IL1RAPL2: variants seen among roughly 807,000 people sequenced by gnomAD.
IL1RAPL2 encodes X-linked interleukin-1 receptor accessory protein-like 2.
Under a neutral mutation model 44.1 loss-of-function variants are expected in IL1RAPL2, and 3 were observed. The observed-to-expected ratio is 0.07, with a 90% CI of 0.03 to 0.18. IL1RAPL2 has a LOEUF of 0.18. Ranked by LOEUF, IL1RAPL2 falls within the 10% of genes least tolerant of loss-of-function variation. IL1RAPL2 has a pLI of 1.00. For missense variants in IL1RAPL2, 391 were observed against 496.4 expected (o/e 0.79, Z 2.02); for synonymous variants, 181 against 178.8 (o/e 1.01, Z -0.10).
At chrX:105,221,757 C>T (rs1419809672) in intron 3 of IL1RAPL2, among the ~76,000 whole-genome samples, 1 of 111,803 alleles carries the variant, frequency 8.9e-6, no homozygotes, top group Non-Finnish European at 1.9e-5. Context: ...AAACTAATGG[C>T]CTCTTGCTTA....
intron 6 of IL1RAPL2, among the ~76,000 whole-genome samples, chrX:105,577,637 A>T (rs1375653732): frequency 9.0e-6 from 1 of 110,625 alleles, no homozygotes; most frequent in Non-Finnish European, 1.9e-5. Context: ...ATACTGATCC[A>T]TGAGAAAGCA....
intron 6 of IL1RAPL2, among the ~76,000 whole-genome samples, chrX:105,704,034 C>G (rs1282928026): frequency 1.8e-5 from 2 of 111,778 alleles, no homozygotes; most frequent in Admixed American, 9.5e-5. Context: ...GTGCAAAACA[C>G]TCTGCTAGGC....
intron 4 of IL1RAPL2, among the ~76,000 whole-genome samples, chrX:105,260,749 A>G (rs2034352303): frequency 8.9e-6 from 1 of 112,581 alleles, no homozygotes; most frequent in Non-Finnish European, 1.9e-5. Flanking sequence ...ACCACTGGTC[A>G]GCTTAGACTC....
chrX:104,599,421 A>AT (rs1475037588), intron 1 of IL1RAPL2, among the ~76,000 whole-genome samples: 1 of 107,882 alleles, frequency 9.3e-6, no homozygotes, highest in Non-Finnish European at 1.9e-5. Flanking sequence ...TAATTTTTAA[A>AT]TTTTTTTGTA....
intron 4 of IL1RAPL2, among the ~76,000 whole-genome samples, chrX:105,252,044 A>G: frequency 9.0e-6 from 1 of 111,370 alleles, no homozygotes; most frequent in Non-Finnish European, 1.9e-5. Context: ...AAGATATGGA[A>G]CAGTTCTGTC....
At chrX:104,968,751 T>C (rs1003496519) in intron 2 of IL1RAPL2, among the ~76,000 whole-genome samples, 4 of 110,963 alleles carry the variant, frequency 3.6e-5, no homozygotes, top group African/African-American at 1.3e-4. Flanking sequence ...CCGCGTATAA[T>C]TGCAAGAAAA....
intron 6 of IL1RAPL2, among the ~76,000 whole-genome samples, chrX:105,595,405 G>A (rs951000135): frequency 9.0e-6 from 1 of 111,393 alleles, no homozygotes; most frequent in Non-Finnish European, 1.9e-5. Context: ...TCATATTATT[G>A]AGGCTGCCCA....
chrX:104,862,111 G>T (rs1180593929), intron 2 of IL1RAPL2, among the ~76,000 whole-genome samples: 1 of 111,125 alleles, frequency 9.0e-6, no homozygotes, highest in Non-Finnish European at 1.9e-5. Context: ...AGGCTGAAAA[G>T]GAGTCTAAGA....
chrX:105,747,447 G>GTT (rs1248088063), intron 8 of IL1RAPL2, among the ~76,000 whole-genome samples: 1 of 83,524 alleles, frequency 1.2e-5, no homozygotes, highest in Non-Finnish European at 2.2e-5. Flanking sequence ...CTGATTGGCT[G>GTT]TTCTCTCTCT....
intron 2 of IL1RAPL2, among the ~76,000 whole-genome samples, chrX:104,675,675 A>G (rs764403939): frequency 0.035 from 3,841 of 110,445 alleles, 73 homozygotes; most frequent in Middle Eastern, 0.065. Flanking sequence ...TGTCTCTTTG[A>G]TCTGTCTAAT....
intron 5 of IL1RAPL2, among the ~76,000 whole-genome samples, chrX:105,421,235 A>G (rs1235124378): frequency 9.0e-6 from 1 of 111,538 alleles, no homozygotes; most frequent in East Asian, 2.8e-4. Flanking sequence ...GGTCAAAGGT[A>G]GATAAGGGAC....
chrX:104,874,484 C>T (rs1425356589), intron 2 of IL1RAPL2, among the ~76,000 whole-genome samples: 3 of 110,304 alleles, frequency 2.7e-5, no homozygotes, highest in Non-Finnish European at 5.7e-5. Flanking sequence ...AGGTCTACTT[C>T]TTGGACTGAT....
chrX:104,841,155 C>G (rs1315193366), intron 2 of IL1RAPL2, among the ~76,000 whole-genome samples: 2 of 111,794 alleles, frequency 1.8e-5, no homozygotes, highest in Non-Finnish European at 3.8e-5. Flanking sequence ...CCTTCTTTGT[C>G]TTTTTTGATC....
At chrX:105,239,556 C>CGGTTATCCATGTATAAGGCT (rs1474387872) in intron 4 of IL1RAPL2, among the ~76,000 whole-genome samples, 1 of 111,008 alleles carries the variant, frequency 9.0e-6, no homozygotes, top group Non-Finnish European at 1.9e-5. Context: ...TCAAGGCATA[C>CGGTTATCCATGTATAAGGCT]GGTTATCCAT....
At chrX:105,324,880 C>T (rs1292036514) in intron 5 of IL1RAPL2, among the ~76,000 whole-genome samples, 4 of 112,263 alleles carry the variant, frequency 3.6e-5, no homozygotes, top group Admixed American at 9.5e-5. Context: ...GGCCACTTCA[C>T]TTCAGATGTC....
intron 5 of IL1RAPL2, among the ~76,000 whole-genome samples, chrX:105,331,608 A>T (rs1315932666): frequency 9.0e-6 from 1 of 111,550 alleles, no homozygotes; most frequent in South Asian, 3.7e-4. Context: ...CTTCAGACAG[A>T]TACTGACTAC....
chrX:104,630,926 T>A (rs939667149), intron 1 of IL1RAPL2, among the ~76,000 whole-genome samples: 17 of 109,894 alleles, frequency 1.5e-4, no homozygotes, highest in African/African-American at 5.3e-4. Flanking sequence ...GCCATGTTGG[T>A]GTGCTGGACC....
chrX:104,665,848 C>T (rs911084633), intron 2 of IL1RAPL2, among the ~76,000 whole-genome samples: 15 of 110,991 alleles, frequency 1.4e-4, no homozygotes, highest in African/African-American at 4.3e-4. Flanking sequence ...AACAATGCTG[C>T]GAGGAGTGCC....
chrX:105,305,837 G>A (rs1050152924), intron 5 of IL1RAPL2, among the ~76,000 whole-genome samples: 7 of 111,515 alleles, frequency 6.3e-5, no homozygotes, highest in Admixed American at 9.6e-5. Flanking sequence ...ACATCTGCTC[G>A]GGGCAGAGAA....
Sources: allele counts gnomAD v4.1 joint callset (sites outside exome capture counted in the v4.1 genomes callset), GRCh38; gene constraint gnomAD v4.1.1; transcripts MANE v1.5; gene names NCBI Gene and HGNC (gene_info 2026-07-23, HGNC 2026-07-21).